CNOT2: variants seen among roughly 807,000 people sequenced by gnomAD.
CNOT2 encodes CC chemokine receptor 4-negative regulator of transcription 2.
CNOT2 carries 7 observed loss-of-function variants against 72.1 expected under a neutral mutation model. The observed-to-expected ratio is 0.10, with a 90% CI of 0.06 to 0.18. The LOEUF is 0.18. Ranked by LOEUF, CNOT2 falls within the 10% of genes least tolerant of loss-of-function variation. CNOT2 has a pLI of 1.00. For synonymous variants in CNOT2, 196 were observed against 225.6 expected (o/e 0.87, Z 1.17); for missense variants, 345 against 660.3 (o/e 0.52, Z 5.23).
intron 2 of CNOT2, among the ~76,000 whole-genome samples, chr12:70,281,770 A>G (rs1257862493): frequency 1.3e-5 from 2 of 151,698 alleles, no homozygotes; most frequent in African/African-American, 4.9e-5. Flanking sequence ...GTCTTCCTAT[A>G]GACTTGTGCA....
chr12:70,264,059 T>C (rs1958904736), intron 1 of CNOT2, among the ~76,000 whole-genome samples: 1 of 152,218 alleles, frequency 6.6e-6, no homozygotes, highest in African/African-American at 2.4e-5. Context: ...TATGATAGCC[T>C]TTACTAACTG....
chr12:70,290,149 C>G (rs1021428767), intron 2 of CNOT2, among the ~76,000 whole-genome samples: 6 of 151,906 alleles, frequency 3.9e-5, no homozygotes, highest in African/African-American at 1.5e-4. Flanking sequence ...TTTTTCTACT[C>G]TGGCTCATAG....
intron 4 of CNOT2, chr12:70,321,578 A>G (rs1228861114): frequency 2.6e-5 from 4 of 151,892 alleles, no homozygotes; most frequent in African/African-American, 9.7e-5. Context: ...CTGTAATTGC[A>G]CATTGAGATT....
chr12:70,256,658 A>G (rs1029237985), intron 1 of CNOT2, among the ~76,000 whole-genome samples: 36 of 152,028 alleles, frequency 2.4e-4, no homozygotes, highest in Non-Finnish European at 1.3e-4. Flanking sequence ...TGAGAGAAGA[A>G]AATAAAAATC....
At chr12:70,306,426 G>T (rs1283873916) in intron 2 of CNOT2, among the ~76,000 whole-genome samples, 1 of 152,146 alleles carries the variant, frequency 6.6e-6, no homozygotes, top group African/African-American at 2.4e-5. Context: ...CAAAGTGCTG[G>T]CATTGTAGGC....
chr12:70,279,585 A>G (rs1428391525), intron 2 of CNOT2, among the ~76,000 whole-genome samples: 2 of 152,082 alleles, frequency 1.3e-5, no homozygotes, highest in Non-Finnish European at 2.9e-5. Context: ...AATTACCTTG[A>G]CTCATAAGAT....
intron 1 of CNOT2, among the ~76,000 whole-genome samples, chr12:70,265,335 T>TC (rs1230432720): frequency 1.8e-3 from 165 of 91,390 alleles, no homozygotes; most frequent in Non-Finnish European, 2.8e-3. Context: ...CTTTCTTTCT[T>TC]TTTTCTTTCT....
At chr12:70,251,045 A>G (rs1402756454) in intron 1 of CNOT2, among the ~76,000 whole-genome samples, 2 of 152,180 alleles carry the variant, frequency 1.3e-5, no homozygotes, top group African/African-American at 4.8e-5. Flanking sequence ...AAAATGACAT[A>G]GGAAAGCAAA....
chr12:70,338,353 A>T, intron 9 of CNOT2, 90 bp from the exon 10 acceptor site: 2 of 1,088,438 alleles, frequency 1.8e-6, no homozygotes, highest in Non-Finnish European at 2.6e-6. Context: ...TTTAAATGTA[A>T]TAAAGAATAA....
At chr12:70,302,715 G>T (rs1334020535) in intron 2 of CNOT2, among the ~76,000 whole-genome samples, 1 of 152,240 alleles carries the variant, frequency 6.6e-6, no homozygotes. Context: ...GGAGAGTTCT[G>T]TAGATGTCTA....
intron 2 of CNOT2, among the ~76,000 whole-genome samples, chr12:70,296,747 CTTTA>C (rs1380803296): frequency 3.5e-5 from 5 of 142,266 alleles, no homozygotes; most frequent in Non-Finnish European, 7.7e-5. Flanking sequence ...CCTTTCTGTC[CTTTA>C]TTTAAGCCCC....
intron 15 of CNOT2, among the ~76,000 whole-genome samples, chr12:70,349,640 C>A (rs570985602): frequency 7.6e-4 from 116 of 152,200 alleles, no homozygotes; most frequent in Non-Finnish European, 1.6e-3. Context: ...AATTTTGTGA[C>A]CCTGAGTTCT....
chr12:70,303,868 CT>C (rs1874635474), intron 2 of CNOT2, among the ~76,000 whole-genome samples: 1 of 152,152 alleles, frequency 6.6e-6, no homozygotes, highest in African/African-American at 2.4e-5. Flanking sequence ...TAGATTTGGT[CT>C]TTTCACATAG....
chr12:70,301,486 T>TGG (rs1565786672), intron 2 of CNOT2, among the ~76,000 whole-genome samples: 365 of 14,868 alleles, frequency 0.025, no homozygotes, highest in African/African-American at 0.11. Flanking sequence ...AATCATGCCG[T>TGG]TTTTTTTCTT....
intron 4 of CNOT2, among the ~76,000 whole-genome samples, chr12:70,325,560 C>A (rs1878958901): frequency 6.6e-6 from 1 of 151,850 alleles, no homozygotes; most frequent in South Asian, 2.1e-4. Flanking sequence ...AGTGTGAATT[C>A]TTTATCTGTA....
At chr12:70,277,447 T>G (rs10879121) in intron 1 of CNOT2, among the ~76,000 whole-genome samples, 23,943 of 151,994 alleles carry the variant, frequency 0.16, 2,159 homozygotes, top group Admixed American at 0.28. Context: ...TAAGAAATCA[T>G]CCCCATTATT....
chr12:70,300,522 A>G (rs1372378554), intron 2 of CNOT2, among the ~76,000 whole-genome samples: 2 of 152,126 alleles, frequency 1.3e-5, no homozygotes, highest in Non-Finnish European at 2.9e-5. Context: ...CAAAGATCAG[A>G]TGGTTGTAGA....
At chr12:70,244,859 A>G (rs1013169331) in intron 1 of CNOT2, among the ~76,000 whole-genome samples, 3 of 152,184 alleles carry the variant, frequency 2.0e-5, no homozygotes, top group African/African-American at 7.2e-5. Context: ...GTCATGCTTA[A>G]TATTAGGAAT....
At chr12:70,351,143 A>G (rs75502261) in intron 15 of CNOT2, among the ~76,000 whole-genome samples, 2,279 of 152,302 alleles carry the variant, frequency 0.015, 69 homozygotes, top group African/African-American at 0.052. Flanking sequence ...GCAAATATAT[A>G]CATAGACCCT....
Sources: allele counts gnomAD v4.1 joint callset (sites outside exome capture counted in the v4.1 genomes callset), GRCh38; gene constraint gnomAD v4.1.1; transcripts MANE v1.5; gene names NCBI Gene and HGNC (gene_info 2026-07-23, HGNC 2026-07-21).